The following GYS2 variants were observed in gnomAD, a reference collection of about 807,000 sequenced individuals.
The protein encoded by GYS2 is glycogen synthase 2.
In GYS2, 80 loss-of-function variants were observed where a neutral mutation model predicts 85.6. That is an observed-to-expected ratio of 0.93 (90% CI 0.78 to 1.13). The LOEUF (loss-of-function observed/expected upper bound fraction) is 1.13, where lower values mean the gene tolerates loss of function less well. Among genes scored for constraint, GYS2 ranks in the 50% most tolerant of loss-of-function variants. The pLI, the probability that GYS2 is intolerant of heterozygous loss-of-function variation, is 0.00. For synonymous variants in GYS2, 328 were observed against 300.7 expected (o/e 1.09, Z -0.94); for missense variants, 881 against 854.9 (o/e 1.03, Z -0.38).
chr12:21,554,644 C>T (rs375830345), intron 11 of GYS2, among the ~76,000 whole-genome samples: 4 of 152,102 alleles, frequency 2.6e-5, no homozygotes, highest in East Asian at 1.9e-4. Flanking sequence ...AAGGAAACAA[C>T]CGTTCCTGTC....
rs111797912 is a variant in GYS2, at chr12:21,580,551, T to A, written c.122-28A>T. ...GTTAAAAGGAAAAAAGTTTCTATTA[T>A]CATTCAGGTTAGCAATTTGTTTAAA... On this transcript the variant is annotated intron_variant, in intron 1 of 15. Coordinates refer to ENST00000261195, the MANE Select transcript of GYS2 (RefSeq NM_021957.4). 824 of 1,554,008 alleles carry A rather than the reference T, an allele frequency of 5.3e-4. 4 individuals carry two copies. In the African/African-American group the frequency reaches 9.9e-3, roughly 19 times the overall value.
At chr12:21,549,651 T>C (rs915046990) in intron 11 of GYS2, among the ~76,000 whole-genome samples, 1 of 152,224 alleles carries the variant, frequency 6.6e-6, no homozygotes, top group African/African-American at 2.4e-5. Context: ...TATATTTATT[T>C]TGATGTATGT....
At chr12:21,581,127 A>C (rs996320598) in intron 1 of GYS2, among the ~76,000 whole-genome samples, 8 of 152,202 alleles carry the variant, frequency 5.3e-5, no homozygotes, top group African/African-American at 1.7e-4. Flanking sequence ...CCGATGTCAA[A>C]TCCAATAACA....
chr12:21,592,256 T>C (rs1944648450), intron 1 of GYS2, among the ~76,000 whole-genome samples: 1 of 148,778 alleles, frequency 6.7e-6, no homozygotes, highest in South Asian at 2.1e-4. Context: ...CAACCAGGAA[T>C]CAATTAACAA....
intron 5 of GYS2, among the ~76,000 whole-genome samples, chr12:21,568,382 T>C (rs1944347748): frequency 1.3e-5 from 2 of 152,180 alleles, no homozygotes; most frequent in South Asian, 4.1e-4. Context: ...GTTCTTCACA[T>C]TGCAAGCTCT....
intron 1 of GYS2, among the ~76,000 whole-genome samples, chr12:21,600,704 C>A (rs568990236): frequency 2.6e-5 from 4 of 152,114 alleles, no homozygotes; most frequent in Non-Finnish European, 5.9e-5. Flanking sequence ...CTTCTATATA[C>A]GTGCACCTAA....
intron 13 of GYS2, 49 bp downstream of exon 13, chr12:21,542,447 G>C (rs776294812): frequency 2.4e-5 from 26 of 1,093,274 alleles, no homozygotes; most frequent in Non-Finnish European, 3.7e-5. Flanking sequence ...TGCTTTGTTT[G>C]GTTAGAGGTC....
intron 11 of GYS2, among the ~76,000 whole-genome samples, chr12:21,556,126 T>C (rs1431651040): frequency 6.6e-6 from 1 of 152,210 alleles, no homozygotes; most frequent in Non-Finnish European, 1.5e-5. Flanking sequence ...AATCTTGAAG[T>C]TTCCTTGGAT....
intron 1 of GYS2, among the ~76,000 whole-genome samples, chr12:21,597,518 T>C (rs1262208404): frequency 6.6e-6 from 1 of 151,870 alleles, no homozygotes. Context: ...GTTAGAATCA[T>C]CATGATTTAA....
intron 1 of GYS2, among the ~76,000 whole-genome samples, chr12:21,592,401 A>G (rs1203948818): frequency 1.3e-5 from 2 of 152,086 alleles, no homozygotes; most frequent in Non-Finnish European, 2.9e-5. Flanking sequence ...CCTATAAGAA[A>G]CTTATCTCAC....
chr12:21,600,060 T>C (rs1944737932), intron 1 of GYS2, among the ~76,000 whole-genome samples: 1 of 152,204 alleles, frequency 6.6e-6, no homozygotes, highest in Non-Finnish European at 1.5e-5. Flanking sequence ...AGTCTGACTT[T>C]AGCTGTAGAC....
chr12:21,584,513 A>T (rs534734261), intron 1 of GYS2, among the ~76,000 whole-genome samples: 67 of 152,334 alleles, frequency 4.4e-4, no homozygotes, highest in African/African-American at 1.4e-3. Context: ...AAGTGGCCAC[A>T]GTTGCAGGGA....
chr12:21,568,395 T>C (rs1413537732), intron 5 of GYS2, among the ~76,000 whole-genome samples: 2 of 152,146 alleles, frequency 1.3e-5, no homozygotes, highest in African/African-American at 4.8e-5. Context: ...CAAGCTCTGG[T>C]TGGGTCTGTA....
At chr12:21,595,205 G>A (rs1237718193) in intron 1 of GYS2, among the ~76,000 whole-genome samples, 10 of 152,200 alleles carry the variant, frequency 6.6e-5, no homozygotes. Flanking sequence ...AGAGCAGCAT[G>A]TGGAGGCTCG....
intron 1 of GYS2, among the ~76,000 whole-genome samples, chr12:21,594,856 G>C (rs1034733354): frequency 4.6e-5 from 7 of 152,102 alleles, no homozygotes; most frequent in Non-Finnish European, 1.0e-4. Flanking sequence ...TATTACAAAA[G>C]TATAGGAACC....
chr12:21,566,219 A>G (rs1416362092), intron 5 of GYS2, among the ~76,000 whole-genome samples: 2 of 152,182 alleles, frequency 1.3e-5, no homozygotes, highest in Non-Finnish European at 2.9e-5. Flanking sequence ...CATGTTTTTC[A>G]CCCAGCCAAT....
At chr12:21,540,362 C>T (rs1943957591) in intron 14 of GYS2, 48 bp downstream of exon 14, 2 of 1,440,058 alleles carry the variant, frequency 1.4e-6, no homozygotes, top group Non-Finnish European at 2.0e-6. Context: ...GTTTATAGTC[C>T]AGTGGAATTT....
intron 11 of GYS2, among the ~76,000 whole-genome samples, chr12:21,550,780 A>C (rs569318701): frequency 6.6e-6 from 1 of 152,184 alleles, no homozygotes. Flanking sequence ...ATCTCCACTA[A>C]AAATACAAAA....
chr12:21,563,195 A>G (rs763844323), intron 6 of GYS2, 33 bp downstream of exon 6: 9 of 1,327,226 alleles, frequency 6.8e-6, no homozygotes, highest in Non-Finnish European at 8.7e-6. Flanking sequence ...CATATCTGAT[A>G]CTTCTTTTTC....
Sources: allele counts gnomAD v4.1 joint callset (sites outside exome capture counted in the v4.1 genomes callset), GRCh38; gene constraint gnomAD v4.1.1; transcripts MANE v1.5; gene names NCBI Gene and HGNC (gene_info 2026-07-23, HGNC 2026-07-21).